The following SNU13 variants were observed in gnomAD, a reference collection of about 807,000 sequenced individuals.
The protein encoded by SNU13 is NHP2-like protein 1.
In SNU13, 2 loss-of-function variants were observed where a neutral mutation model predicts 12.4. That is an observed-to-expected ratio of 0.16 (90% CI 0.07 to 0.51). The LOEUF is 0.51. Among genes scored for constraint, SNU13 ranks in the 20% least tolerant of loss-of-function variants. SNU13 has a pLI of 0.96. For synonymous variants in SNU13, 68 were observed against 66.5 expected (o/e 1.02, Z -0.11); for missense variants, 66 against 157.8 (o/e 0.42, Z 3.12).
At chr22:41,679,859 T>G (rs944772635) in intron 2 of SNU13, 9 of 153,116 alleles carry the variant, frequency 5.9e-5, no homozygotes, top group African/African-American at 2.2e-4. Context: ...GGGTAGGGAA[T>G]GTTTCTGGGA....
intron 1 of SNU13, among the ~76,000 whole-genome samples, chr22:41,682,833 G>C (rs939569454): frequency 6.6e-6 from 1 of 152,056 alleles, no homozygotes; most frequent in Non-Finnish European, 1.5e-5. Context: ...ATTTTTAGTA[G>C]AGACGGGGTT....
chr22:41,680,957 G>A (rs1314424602), intron 1 of SNU13, among the ~76,000 whole-genome samples: 1 of 152,202 alleles, frequency 6.6e-6, no homozygotes. Flanking sequence ...TTGGGCGGCC[G>A]AGGCGGGTGG....
intron 2 of SNU13, among the ~76,000 whole-genome samples, chr22:41,679,060 C>A (rs1555909484): frequency 1.3e-5 from 2 of 151,972 alleles, no homozygotes; most frequent in Non-Finnish European, 2.9e-5. Flanking sequence ...GAGTTTAAGA[C>A]CAGCCTGGGC....
intron 2 of SNU13, among the ~76,000 whole-genome samples, chr22:41,679,488 G>A (rs910518357): frequency 6.6e-6 from 1 of 151,920 alleles, no homozygotes; most frequent in African/African-American, 2.4e-5. Context: ...CCCGGGAAGC[G>A]GAGGTTGCAG....
chr22:41,675,793 C>T (rs751201051), intron 2 of SNU13, among the ~76,000 whole-genome samples: 12 of 148,198 alleles, frequency 8.1e-5, no homozygotes, highest in Non-Finnish European at 1.5e-4. Flanking sequence ...CACTGTCGCC[C>T]GGGCTGGAGT....
intron 2 of SNU13, among the ~76,000 whole-genome samples, chr22:41,675,619 A>C (rs911197890): frequency 2.0e-5 from 3 of 151,270 alleles, no homozygotes; most frequent in African/African-American, 7.3e-5. Flanking sequence ...AGAGGGCTTC[A>C]CCATGTTGTC....
intron 1 of SNU13, chr22:41,682,365 T>C (rs1159746546): frequency 1.2e-6 from 2 of 1,614,038 alleles, no homozygotes; most frequent in African/African-American, 1.3e-5. Context: ...CCATAGCGTC[T>C]GTCTTGGTAG....
intron 2 of SNU13, chr22:41,679,636 G>A (rs2068245140): frequency 6.6e-6 from 1 of 151,632 alleles, no homozygotes; most frequent in Admixed American, 6.6e-5. Context: ...TCACCTCTGG[G>A]CAGAAGCATC....
At chr22:41,676,159 A>G (rs543209660) in intron 2 of SNU13, among the ~76,000 whole-genome samples, 1 of 152,232 alleles carries the variant, frequency 6.6e-6, no homozygotes, top group African/African-American at 2.4e-5. Context: ...GTATTTCTCA[A>G]GGTATCTGTG....
At chr22:41,682,515 G>C (rs2147138354) in intron 1 of SNU13, 1 of 1,538,042 alleles carries the variant, frequency 6.5e-7, no homozygotes, top group East Asian at 2.4e-5. Flanking sequence ...TCCAGGGCCA[G>C]CCCGTACACC....
At chr22:41,689,979 C>CAAAAAAAA (rs770945331), upstream of SNU13, among the ~76,000 whole-genome samples, 2 of 97,924 alleles carry the variant, frequency 2.0e-5, no homozygotes, top group African/African-American at 7.5e-5. Flanking sequence ...AACTCGGTCT[C>CAAAAAAAA]AAAAAAAAAA....
chr22:41,682,667 A>C, intron 1 of SNU13: 2 of 815,686 alleles, frequency 2.5e-6, no homozygotes, highest in Non-Finnish European at 3.5e-6. Context: ...CCTCCATATT[A>C]TTTTTCTCTT....
Position 41,680,261 on chromosome 22 carries a change from C to T in SNU13, c.107G>A (p.Arg36Gln), listed in dbSNP as rs1237875177. The change falls in exon 2 of 3, where the codon CGG becomes CAG. Residue 36 changes from arginine (R) to glutamine (Q), a missense_variant. Physicochemically the swap from Arg to Gln is conservative, Grantham distance 43 (BLOSUM62 1). Transcript: ENST00000401959. Reference sequence around the variant, plus strand: ...TGCCTTACCCTCATTGGCTCCTTTCCGAAGCTGCTTATAGTTACATGACTG... The same window carrying T: ...TGCCTTACCCTCATTGGCTCCTTTCTGAAGCTGCTTATAGTTACATGACTG... The part of the protein sequence containing the change: ...VQQSCNYKQL[R>Q]KGANEATKTL... 1.2e-6 allele frequency: 2 copies of T among 1,613,494 alleles called. No individual in the cohort carries two copies. The highest frequency in any genetic ancestry group is 8.5e-7 in the Non-Finnish European group (1 of 1,179,780).
At chr22:41,684,205 G>A (rs1225532386) in intron 1 of SNU13, among the ~76,000 whole-genome samples, 5 of 152,158 alleles carry the variant, frequency 3.3e-5, no homozygotes, top group South Asian at 2.1e-4. Flanking sequence ...GCGCCTGGCC[G>A]GGAGCAGAGG....
intron 2 of SNU13, among the ~76,000 whole-genome samples, chr22:41,677,979 C>CTTT (rs1260598847): frequency 2.8e-5 from 4 of 143,824 alleles, no homozygotes; most frequent in African/African-American, 5.2e-5. Flanking sequence ...TTACAGCATT[C>CTTT]TTTTTTTTTT....
intron 2 of SNU13, among the ~76,000 whole-genome samples, chr22:41,677,992 T>C (rs966738918): frequency 5.9e-5 from 9 of 152,088 alleles, no homozygotes; most frequent in Admixed American, 2.6e-4. Context: ...TTTTTTTTTT[T>C]TGAGACGGAG....
At chr22:41,676,193 C>T (rs2068212421) in intron 2 of SNU13, among the ~76,000 whole-genome samples, 1 of 152,158 alleles carries the variant, frequency 6.6e-6, no homozygotes, top group Admixed American at 6.6e-5. Flanking sequence ...GTTTTACCAT[C>T]TCAATCTGCC....
intron 2 of SNU13, among the ~76,000 whole-genome samples, chr22:41,675,674 G>A (rs1176426748): frequency 6.6e-6 from 1 of 151,064 alleles, no homozygotes; most frequent in Non-Finnish European, 1.5e-5. Flanking sequence ...CACCCACCTC[G>A]GCCTCCCAAA....
At chr22:41,681,733 A>C (rs5758408) in intron 1 of SNU13, among the ~76,000 whole-genome samples, 126,536 of 152,186 alleles carry the variant, frequency 0.83, 53,600 homozygotes, top group African/African-American at 0.95. Flanking sequence ...CATGTAGGGG[A>C]CGAGCGCGGT....
Sources: gnomAD v4.1 joint callset for allele counts (sites outside exome capture counted in the v4.1 genomes callset) on GRCh38, gnomAD v4.1.1 for gene constraint, MANE v1.5 for transcripts, NCBI Gene and HGNC (gene_info 2026-07-23, HGNC 2026-07-21) for gene names.